TPTE: variants seen among roughly 807,000 people sequenced by gnomAD.
The protein encoded by TPTE is transmembrane phosphatase with tensin homology.
A neutral mutation model predicts 84.1 loss-of-function variants in TPTE; 59 were observed. The observed-to-expected ratio is 0.70, with a 90% CI of 0.57 to 0.87. The LOEUF is 0.87. TPTE is among the 40% of genes least tolerant of loss of function. TPTE has a pLI of 0.00. For missense variants in TPTE, 382 were observed against 659.6 expected (o/e 0.58, Z 4.61); for synonymous variants, 130 against 223.5 (o/e 0.58, Z 3.73).
At chr21:10,581,559 G>T (rs1349717630) in intron 17 of TPTE, among the ~76,000 whole-genome samples, 1 of 152,310 alleles carries the variant, frequency 6.6e-6, no homozygotes, top group Non-Finnish European at 1.5e-5. Flanking sequence ...TCTTCTGGTT[G>T]GTTGCTGCTT....
chr21:10,589,768 A>G (rs1271559541), intron 17 of TPTE, among the ~76,000 whole-genome samples: 1 of 152,308 alleles, frequency 6.6e-6, no homozygotes, highest in Non-Finnish European at 1.5e-5. Context: ...TGCTGTCCTG[A>G]GGGCTGCTTG....
At chr21:10,564,138 G>A (rs1441910304) in intron 10 of TPTE, among the ~76,000 whole-genome samples, 2 of 152,252 alleles carry the variant, frequency 1.3e-5, no homozygotes, top group Admixed American at 6.5e-5. Flanking sequence ...TGGTGACAGA[G>A]CAAGACTCCA....
intron 13 of TPTE, 66 bp from the exon 14 acceptor site, chr21:10,570,415 AAATT>A (rs1213722211): frequency 3.1e-6 from 5 of 1,610,200 alleles, no homozygotes; most frequent in South Asian, 1.1e-5. Flanking sequence ...GATCATGTAT[AAATT>A]AATTTTTTTG....
intron 8 of TPTE, among the ~76,000 whole-genome samples, chr21:10,555,518 T>C (rs1190525084): frequency 2.8e-4 from 42 of 152,296 alleles, no homozygotes; most frequent in African/African-American, 9.9e-4. Context: ...TATCTCTTTA[T>C]TTTTGAATTG....
chr21:10,593,107 G>A (rs529833113), intron 19 of TPTE, among the ~76,000 whole-genome samples: 86 of 152,188 alleles, frequency 5.7e-4, no homozygotes, highest in African/African-American at 1.9e-3. Context: ...TTCAGCTGGC[G>A]CCAGTCACAT....
chr21:10,536,837 C>G (rs1432316443), intron 3 of TPTE, among the ~76,000 whole-genome samples: 1 of 152,310 alleles, frequency 6.6e-6, no homozygotes, highest in Non-Finnish European at 1.5e-5. Flanking sequence ...AGTCAGATTT[C>G]CTGTGTATGA....
At position 10,570,481 on chromosome 21, in the gene TPTE, T is replaced by C; in HGVS notation, c.731-4T>C. On this transcript the variant is annotated splice_polypyrimidine_tract_variant and splice_region_variant and intron_variant, in intron 13 of 23. Transcript: ENST00000618007. ...TTTGTAATAGTGATGATTTTGACTTTTAGAACGTATTATTGCTATGTCATT... is the reference window on the plus strand; with the variant it reads ...TTTGTAATAGTGATGATTTTGACTTCTAGAACGTATTATTGCTATGTCATT... 1 of 1,614,180 alleles carries C rather than the reference T, an allele frequency of 6.2e-7. No individual in the cohort carries two copies. Among genetic ancestry groups the C allele is most frequent in the Non-Finnish European group, 8.5e-7 (1 of 1,180,008 alleles).
chr21:10,605,713 A>G lies in TPTE; in HGVS notation c.*161A>G. The stretch of plus-strand genomic sequence containing the variant: ...ATAAATCTATTACATATATATAGAT[A>G]AAATGTCAGTGTCTTTCTTCTTTTT... On this transcript the variant is annotated 3_prime_UTR_variant, in exon 24 of 24. Transcript: ENST00000618007. 1 of 1,301,238 alleles carries G rather than the reference A, an allele frequency of 7.7e-7. No individual in the cohort carries two copies. The highest frequency in any genetic ancestry group is 1.0e-6 in the Non-Finnish European group (1 of 983,198). The allele number at this position is 1,301,238 out of a possible 1,614,324, so 80.6% of individuals were successfully genotyped here. A position where few individuals can be genotyped will look rare whatever the true frequency, so the allele number is the denominator to read the frequency against.
chr21:10,598,620 G>A (rs2075634032), intron 21 of TPTE, among the ~76,000 whole-genome samples: 1 of 152,308 alleles, frequency 6.6e-6, no homozygotes, highest in Admixed American at 6.5e-5. Context: ...CAGAGGTTCT[G>A]TGGGATGACC....
intron 21 of TPTE, among the ~76,000 whole-genome samples, chr21:10,601,684 C>T (rs1430517135): frequency 7.2e-5 from 11 of 152,406 alleles, no homozygotes; most frequent in South Asian, 6.2e-4. Context: ...GAAACCCCAT[C>T]GCTACTAAAA....
At chr21:10,582,739 GT>G (rs567828377) in intron 17 of TPTE, among the ~76,000 whole-genome samples, 1 of 152,226 alleles carries the variant, frequency 6.6e-6, no homozygotes, top group Non-Finnish European at 1.5e-5. Context: ...TATGTTTTTT[GT>G]TTTTTTGTTT....
At chr21:10,586,900 G>GT (rs1335816449) in intron 17 of TPTE, among the ~76,000 whole-genome samples, 2 of 152,302 alleles carry the variant, frequency 1.3e-5, no homozygotes, top group East Asian at 3.8e-4. Context: ...GGGCATTTTT[G>GT]TTTAATTCCA....
chr21:10,599,872 T>C (rs1470826308), intron 21 of TPTE, among the ~76,000 whole-genome samples: 15 of 152,196 alleles, frequency 9.9e-5, no homozygotes, highest in South Asian at 2.1e-4. Context: ...TTTTTTTTTT[T>C]CTTGAGCCAG....
chr21:10,571,467 A>C (rs2075042004), intron 14 of TPTE, among the ~76,000 whole-genome samples: 1 of 152,312 alleles, frequency 6.6e-6, no homozygotes, highest in South Asian at 2.1e-4. Context: ...AGGAAACATT[A>C]CACCTCCAAA....
chr21:10,587,130 T>C (rs1447521910), intron 17 of TPTE, among the ~76,000 whole-genome samples: 1 of 152,310 alleles, frequency 6.6e-6, no homozygotes, highest in African/African-American at 2.4e-5. Flanking sequence ...TGCATTAATA[T>C]AGATTTCTGA....
chr21:10,523,259 T>G (rs2074016123), intron 1 of TPTE, among the ~76,000 whole-genome samples: 1 of 152,306 alleles, frequency 6.6e-6, no homozygotes, highest in Non-Finnish European at 1.5e-5. Flanking sequence ...CCCCATGCCC[T>G]TCTCCCTCAT....
intron 10 of TPTE, among the ~76,000 whole-genome samples, chr21:10,563,777 A>G (rs1157236205): frequency 2.0e-5 from 3 of 152,306 alleles, no homozygotes; most frequent in Non-Finnish European, 4.4e-5. Context: ...AAATGGCAGG[A>G]GTAAGTCCTT....
intron 10 of TPTE, among the ~76,000 whole-genome samples, chr21:10,561,607 C>G (rs212128): frequency 6.6e-6 from 1 of 152,284 alleles, no homozygotes; most frequent in Non-Finnish European, 1.5e-5. Flanking sequence ...GTACCCCCCC[C>G]ATGTCCTGTG....
chr21:10,584,101 C>A (rs1211561701), intron 17 of TPTE, among the ~76,000 whole-genome samples: 1 of 152,310 alleles, frequency 6.6e-6, no homozygotes, highest in Non-Finnish European at 1.5e-5. Context: ...CTCATCCAAC[C>A]CATGAACAGA....
Sources: allele counts gnomAD v4.1 joint callset (sites outside exome capture counted in the v4.1 genomes callset), GRCh38; gene constraint gnomAD v4.1.1; transcripts MANE v1.5; gene names NCBI Gene and HGNC (gene_info 2026-07-23, HGNC 2026-07-21).